The following PDE4D variants were observed in gnomAD, a reference collection of about 807,000 sequenced individuals.
PDE4D encodes 3',5'-cyclic-AMP phosphodiesterase 4D.
In PDE4D, 24 loss-of-function variants were observed where a neutral mutation model predicts 87.4. The ratio of observed to expected loss-of-function variants is 0.27; its 90% confidence interval spans 0.20 to 0.39. The LOEUF (loss-of-function observed/expected upper bound fraction) is 0.39, where lower values mean the gene tolerates loss of function less well. Ranked by LOEUF, PDE4D falls within the 10% of genes least tolerant of loss-of-function variation. PDE4D has a pLI of 1.00. For synonymous variants in PDE4D, 384 were observed against 383.2 expected, an observed-to-expected ratio of 1.00 and a Z score of -0.02; for missense variants, 714 against 1,041.0, an observed-to-expected ratio of 0.69 and a Z score of 4.32.
intron 1 of PDE4D, among the ~76,000 whole-genome samples, chr5:59,496,261 G>A (rs1807169550): frequency 1.3e-5 from 2 of 152,064 alleles, no homozygotes; most frequent in South Asian, 2.1e-4. Flanking sequence ...TGCTCCCCTC[G>A]ATGTCCTCTC....
intron 1 of PDE4D, among the ~76,000 whole-genome samples, chr5:59,745,763 AAG>A (rs923129526): frequency 1.3e-5 from 2 of 152,180 alleles, no homozygotes; most frequent in African/African-American, 4.8e-5. Context: ...AAAAGAAAGA[AAG>A]AAAAAAATGT....
At chr5:59,529,068 G>T in intron 1 of PDE4D, 1 of 466,736 alleles carries the variant, frequency 2.1e-6, no homozygotes, top group Non-Finnish European at 4.3e-6. Context: ...TTAATTCGTT[G>T]GACCTATGCA....
chr5:59,821,575 A>C (rs1769681082), intron 1 of PDE4D, among the ~76,000 whole-genome samples: 1 of 152,232 alleles, frequency 6.6e-6, no homozygotes, highest in Non-Finnish European at 1.5e-5. Flanking sequence ...ATGCCAGTAT[A>C]ATCATGTGTT....
intron 1 of PDE4D, among the ~76,000 whole-genome samples, chr5:60,210,847 C>G (rs1027924257): frequency 6.6e-6 from 1 of 151,952 alleles, no homozygotes; most frequent in Non-Finnish European, 1.5e-5. Flanking sequence ...CCTCAGGGAC[C>G]AAGAACAGTT....
intron 1 of PDE4D, among the ~76,000 whole-genome samples, chr5:59,220,308 G>C (rs147367635): frequency 1.1e-4 from 15 of 137,410 alleles, no homozygotes; most frequent in African/African-American, 4.1e-4. Context: ...TTCAGACCAG[G>C]AGTTCAAGGT....
chr5:59,283,992 C>A (rs1766367717), intron 1 of PDE4D, among the ~76,000 whole-genome samples: 2 of 152,106 alleles, frequency 1.3e-5, no homozygotes. Context: ...AATATGCACA[C>A]CTAGAATCCT....
chr5:59,030,822 C>CT (rs1580401820), intron 6 of PDE4D, among the ~76,000 whole-genome samples: 1 of 152,158 alleles, frequency 6.6e-6, no homozygotes, highest in South Asian at 2.1e-4. Context: ...GTTAGAATGA[C>CT]TATTTTCCTT....
intron 1 of PDE4D, among the ~76,000 whole-genome samples, chr5:59,571,524 A>G (rs1821848221): frequency 6.6e-6 from 1 of 152,180 alleles, no homozygotes; most frequent in African/African-American, 2.4e-5. Flanking sequence ...ATTCTTTTGA[A>G]GTGTTACTGC....
At chr5:59,024,455 C>T (rs1248137685) in intron 6 of PDE4D, among the ~76,000 whole-genome samples, 1 of 152,096 alleles carries the variant, frequency 6.6e-6, no homozygotes, top group African/African-American at 2.4e-5. Context: ...CCTCTGCCTC[C>T]CAAAGTGCTG....
chr5:59,407,468 G>A (rs1453825693), intron 1 of PDE4D, among the ~76,000 whole-genome samples: 2 of 152,180 alleles, frequency 1.3e-5, no homozygotes, highest in Non-Finnish European at 2.9e-5. Flanking sequence ...TGGTACCAAG[G>A]AGTGGGGCAT....
chr5:59,559,811 ACAT>A (rs1819640055), intron 1 of PDE4D, among the ~76,000 whole-genome samples: 1 of 152,242 alleles, frequency 6.6e-6, no homozygotes, highest in Admixed American at 6.5e-5. Flanking sequence ...GTCTGGAACG[ACAT>A]CATCAAGGAT....
At chr5:59,905,871 T>C (rs1277004288) in intron 3 of PDE4D, among the ~76,000 whole-genome samples, 1 of 152,176 alleles carries the variant, frequency 6.6e-6, no homozygotes, top group Non-Finnish European at 1.5e-5. Flanking sequence ...GTTGAACTAG[T>C]AATAGGGCTT....
chr5:60,050,532 A>G (rs1297718972), intron 2 of PDE4D, among the ~76,000 whole-genome samples: 2 of 152,202 alleles, frequency 1.3e-5, no homozygotes, highest in African/African-American at 2.4e-5. Context: ...GCTCCTGAAG[A>G]AAGCACTAAA....
intron 1 of PDE4D, among the ~76,000 whole-genome samples, chr5:59,824,472 C>T (rs1479737304): frequency 6.6e-6 from 1 of 152,104 alleles, no homozygotes; most frequent in African/African-American, 2.4e-5. Context: ...AAGACTAGTG[C>T]CTGACACACA....
At chr5:59,175,786 T>TTTTTC (rs1783783349) in intron 5 of PDE4D, among the ~76,000 whole-genome samples, 1 of 83,752 alleles carries the variant, frequency 1.2e-5, no homozygotes, top group African/African-American at 5.2e-5. Flanking sequence ...CCTCCATTTT[T>TTTTTC]TTTTTTTTTT....
intron 1 of PDE4D, among the ~76,000 whole-genome samples, chr5:59,435,977 T>G (rs1334445768): frequency 6.6e-6 from 1 of 152,116 alleles, no homozygotes; most frequent in Non-Finnish European, 1.5e-5. Flanking sequence ...GAGATGTGCC[T>G]GCCTGGGCTA....
At chr5:59,795,316 T>G (rs984711195) in intron 1 of PDE4D, among the ~76,000 whole-genome samples, 3 of 152,154 alleles carry the variant, frequency 2.0e-5, no homozygotes, top group African/African-American at 7.2e-5. Context: ...TTCCTCTTTT[T>G]GGACACAGAA....
chr5:59,193,978 C>T (rs777856892), intron 2 of PDE4D, among the ~76,000 whole-genome samples: 2 of 152,154 alleles, frequency 1.3e-5, no homozygotes, highest in Non-Finnish European at 2.9e-5. Flanking sequence ...CACATCATCC[C>T]GTGTAAGTCT....
intron 1 of PDE4D, among the ~76,000 whole-genome samples, chr5:60,515,128 A>G (rs2150259581): frequency 6.6e-6 from 1 of 152,170 alleles, no homozygotes; most frequent in African/African-American, 2.4e-5. Context: ...GCAGTGAACC[A>G]TTTTTCTTTG....
Sources: allele counts gnomAD v4.1 joint callset (sites outside exome capture counted in the v4.1 genomes callset), GRCh38; gene constraint gnomAD v4.1.1; transcripts MANE v1.5; gene names NCBI Gene and HGNC (gene_info 2026-07-23, HGNC 2026-07-21).